Variants in SLC23A2 observed in about 807,000 individuals in gnomAD.
The protein encoded by SLC23A2 is solute carrier family 23 member 2, also known as Na(+)/L-ascorbic acid transporter 2.
In SLC23A2, 36 loss-of-function variants were observed where a neutral mutation model predicts 73.3. The ratio of observed to expected loss-of-function variants is 0.49; its 90% CI spans 0.38 to 0.65. SLC23A2 has a LOEUF of 0.65. Ranked by LOEUF, SLC23A2 falls within the 30% of genes least tolerant of loss-of-function variation. The pLI is 0.00. For missense variants in SLC23A2, 507 were observed against 841.6 expected (o/e 0.60, Z 4.92); for synonymous variants, 343 against 327.3 (o/e 1.05, Z -0.52).
At chr20:4,990,407 T>C (rs1344281094) in intron 1 of SLC23A2, among the ~76,000 whole-genome samples, 4 of 151,962 alleles carry the variant, frequency 2.6e-5, no homozygotes, top group African/African-American at 9.7e-5. Context: ...TCTCACTCAG[T>C]GGCCTGGGCT....
chr20:4,955,566 A>G (rs992157461), intron 2 of SLC23A2, among the ~76,000 whole-genome samples: 3 of 152,156 alleles, frequency 2.0e-5, no homozygotes, highest in Admixed American at 2.0e-4. Flanking sequence ...AGGTAGGAGT[A>G]ACACTTGACC....
At chr20:4,977,060 T>C (rs1600194173) in intron 1 of SLC23A2, among the ~76,000 whole-genome samples, 2 of 152,278 alleles carry the variant, frequency 1.3e-5, no homozygotes, top group South Asian at 2.1e-4. Flanking sequence ...CATATTTCAG[T>C]TGTAGGACAA....
chr20:4,915,840 T>C (rs1303627648), intron 3 of SLC23A2, among the ~76,000 whole-genome samples: 1 of 151,930 alleles, frequency 6.6e-6, no homozygotes, highest in African/African-American at 2.4e-5. Context: ...CCCAGCTACT[T>C]GAGAGGATGA....
chr20:4,955,381 AC>A (rs2087269366), intron 2 of SLC23A2, among the ~76,000 whole-genome samples: 1 of 151,902 alleles, frequency 6.6e-6, no homozygotes. Flanking sequence ...ACACACACAC[AC>A]ACACACACAC....
chr20:4,923,155 C>G (rs1335317862), intron 3 of SLC23A2, among the ~76,000 whole-genome samples: 1 of 151,478 alleles, frequency 6.6e-6, no homozygotes, highest in African/African-American at 2.4e-5. Flanking sequence ...GCCTGTAATC[C>G]CAGCACTTTG....
At chr20:4,945,574 A>C (rs2087108336) in intron 2 of SLC23A2, among the ~76,000 whole-genome samples, 1 of 152,218 alleles carries the variant, frequency 6.6e-6, no homozygotes, top group Non-Finnish European at 1.5e-5. Context: ...ATGAGCCACC[A>C]TGCCTAGCCA....
upstream of SLC23A2, among the ~76,000 whole-genome samples, chr20:5,006,076 G>A (rs1417414975): frequency 1.3e-5 from 2 of 151,986 alleles, no homozygotes; most frequent in Admixed American, 6.6e-5. Context: ...AATAATGATT[G>A]AGCATAATAT....
At position 4,868,688 on chromosome 20, in the gene SLC23A2, A is replaced by G. The variant is rs917527768; in HGVS notation, c.1251-813T>C. Among the ~76,000 whole-genome samples, 2 of 152,206 alleles carry G rather than the reference A, an allele frequency of 1.3e-5. No individual in the cohort carries two copies. The highest frequency in any genetic ancestry group is 2.9e-5 in the Non-Finnish European group (2 of 68,038). ...TGTGCAGCAGCTCCATTAGAGAAAGATGGGGACATCAGGTACCAGAGCCAA... is the reference window on the plus strand; with the variant it reads ...TGTGCAGCAGCTCCATTAGAGAAAGGTGGGGACATCAGGTACCAGAGCCAA... On this transcript the variant is annotated intron_variant, in intron 12 of 16. Coordinates refer to ENST00000338244, the MANE Select transcript of SLC23A2 (RefSeq NM_005116.6). This position sits in a 1 kb window ranked among gnomAD's most constrained non-coding sequence, Gnocchi z 4.4.
intron 3 of SLC23A2, among the ~76,000 whole-genome samples, chr20:4,919,207 A>T (rs1374007084): frequency 6.6e-6 from 1 of 152,250 alleles, no homozygotes; most frequent in Non-Finnish European, 1.5e-5. Context: ...GATAGATCTA[A>T]CATGACACTA....
At chr20:4,936,938 C>G (rs559444962) in intron 2 of SLC23A2, among the ~76,000 whole-genome samples, 3 of 152,032 alleles carry the variant, frequency 2.0e-5, no homozygotes, top group Non-Finnish European at 4.4e-5. Context: ...CTGAGAAAGG[C>G]GTCAGGGAAG....
intron 3 of SLC23A2, among the ~76,000 whole-genome samples, chr20:4,927,878 C>G (rs1055844535): frequency 2.6e-5 from 4 of 152,132 alleles, no homozygotes; most frequent in African/African-American, 9.7e-5. Context: ...CCACACTAAT[C>G]CCATCCATCA....
At chr20:4,890,667 G>C (rs571034182) in intron 6 of SLC23A2, among the ~76,000 whole-genome samples, 1 of 152,026 alleles carries the variant, frequency 6.6e-6, no homozygotes, top group Non-Finnish European at 1.5e-5. Context: ...AAAAAAGAAA[G>C]ACATAATGTG....
At chr20:4,992,646 G>C (rs1026679152) in intron 1 of SLC23A2, among the ~76,000 whole-genome samples, 1 of 151,524 alleles carries the variant, frequency 6.6e-6, no homozygotes, top group African/African-American at 2.4e-5. Flanking sequence ...GAGTAGCTGG[G>C]ATTACAGGCA....
chr20:4,896,784 C>G (rs1307250343), intron 6 of SLC23A2, among the ~76,000 whole-genome samples: 1 of 152,180 alleles, frequency 6.6e-6, no homozygotes, highest in Non-Finnish European at 1.5e-5. Context: ...TCCTTCAAGG[C>G]ACAGCCCCGG....
At chr20:4,909,399 T>C (rs1343704613) in intron 4 of SLC23A2, among the ~76,000 whole-genome samples, 1 of 152,210 alleles carries the variant, frequency 6.6e-6, no homozygotes, top group African/African-American at 2.4e-5. Context: ...TTACGTAGAA[T>C]ATATAAAGAA....
intron 1 of SLC23A2, among the ~76,000 whole-genome samples, chr20:4,982,244 C>T (rs1052998759): frequency 2.0e-5 from 3 of 152,104 alleles, no homozygotes; most frequent in Non-Finnish European, 4.4e-5. Context: ...CTGCCCACCT[C>T]GGCCTCCCAA....
Position 4,857,250 on chromosome 20 carries a change from G to T in SLC23A2, c.1721-46C>A. The T allele has an allele frequency of 9.2e-7, 1 of 1,081,278 alleles. No homozygotes were observed. 67.0% of individuals were successfully genotyped at this position (1,081,278 alleles called of 1,614,324 possible). A position where few individuals can be genotyped will look rare whatever the true frequency, so the allele number is the denominator to read the frequency against. The stretch of plus-strand genomic sequence containing the variant: ...GAACAAAGGAATGCTTCGTTTAGCA[G>T]CTCTACTGAAAATGAAACTGTCGTC... On this transcript the variant is annotated intron_variant, in intron 16 of 16. Coordinates refer to ENST00000338244, the MANE Select transcript of SLC23A2 (RefSeq NM_005116.6). This position sits in a 1 kb window ranked among gnomAD's most constrained non-coding sequence, Gnocchi z 4.0.
intron 15 of SLC23A2, 69 bp from the exon 16 acceptor site, chr20:4,859,453 G>A (rs754066121): frequency 1.4e-4 from 142 of 994,610 alleles, no homozygotes; most frequent in Non-Finnish European, 2.2e-4. Context: ...GACTTGGGAA[G>A]GGGCAATGGT....
intron 1 of SLC23A2, among the ~76,000 whole-genome samples, chr20:4,990,186 T>G (rs2087902915): frequency 6.6e-6 from 1 of 152,030 alleles, no homozygotes; most frequent in Non-Finnish European, 1.5e-5. Context: ...GGCCACAGAT[T>G]TTAACTAGCA....
Sources: allele counts gnomAD v4.1 joint callset (sites outside exome capture counted in the v4.1 genomes callset), GRCh38; gene constraint gnomAD v4.1.1; non-coding constraint Gnocchi (gnomAD v3.1); transcripts MANE v1.5; gene names NCBI Gene and HGNC (gene_info 2026-07-23, HGNC 2026-07-21).